TRIM67: variants seen among roughly 807,000 people sequenced by gnomAD.
TRIM67 encodes the protein tripartite motif containing 67.
In TRIM67, 39 loss-of-function variants were observed where a neutral mutation model predicts 71.0. The ratio of observed to expected loss-of-function variants is 0.55; its 90% CI spans 0.43 to 0.72. TRIM67 has a LOEUF of 0.72. Among genes scored for constraint, TRIM67 ranks in the 30% least tolerant of loss-of-function variants. The probability of loss-of-function intolerance (pLI) is 0.00; values close to 1 mark genes in which losing one functional copy is unlikely to be tolerated. For missense variants in TRIM67, 973 were observed against 1,079.2 expected, an observed-to-expected ratio of 0.90 and a Z score of 1.38; for synonymous variants, 481 against 473.9, an observed-to-expected ratio of 1.01 and a Z score of -0.19.
chr1:231,203,556 G>A lies in TRIM67; in HGVS notation c.1535-311G>A, dbSNP rs562248699. On this transcript the variant is annotated intron_variant, in intron 5 of 9. Coordinates refer to ENST00000366653, the MANE Select transcript of TRIM67 (RefSeq NM_001004342.5). ...CAAAACCAGTGGTTCTCAGTGGGCA[G>A]ATGGGAAAGAGGACATCCTTCCTTA... Among the ~76,000 whole-genome samples the A allele has an allele frequency of 8.5e-5, 13 of 152,352 alleles. No homozygotes were observed. The East Asian group carries it at 2.3e-3, about 27-fold the overall frequency.
intron 8 of TRIM67, among the ~76,000 whole-genome samples, chr1:231,212,911 A>G (rs924177053): frequency 6.6e-6 from 1 of 152,192 alleles, no homozygotes; most frequent in African/African-American, 2.4e-5. Flanking sequence ...CACAATGGAC[A>G]TTCTCAACGT....
chr1:231,219,197 T>C lies in TRIM67; in HGVS notation c.*3757T>C, dbSNP rs1684084483. 3.0e-6 allele frequency: 3 copies of C among 985,448 alleles called. No homozygotes were observed. In the South Asian group the frequency reaches 1.4e-4, roughly 46 times the overall value. 61.0% of individuals were successfully genotyped at this position (985,448 alleles called of 1,614,324 possible). ...GGCGCCAGGGTTTCTCAACCTCTAC[T>C]GACATTTTGCGATAGGTTCTGTATG... On this transcript the variant is annotated 3_prime_UTR_variant, in exon 10 of 10. Coordinates refer to ENST00000366653, the MANE Select transcript of TRIM67 (RefSeq NM_001004342.5).
chr1:231,200,816 G>T (rs757671602), intron 4 of TRIM67, among the ~76,000 whole-genome samples: 2 of 152,186 alleles, frequency 1.3e-5, no homozygotes, highest in Non-Finnish European at 2.9e-5. Flanking sequence ...ACAGGGACAC[G>T]TGCAAATGTC....
At chr1:231,204,959 A>G (rs543002844) in intron 6 of TRIM67, among the ~76,000 whole-genome samples, 4 of 152,342 alleles carry the variant, frequency 2.6e-5, no homozygotes, top group South Asian at 2.1e-4. Context: ...ATATGGGCCA[A>G]TTAGGGAGGT....
Position 231,217,754 on chromosome 1 carries a change from C to A in TRIM67, c.*2314C>A, listed in dbSNP as rs1017661809. 2.4e-6 allele frequency: 3 copies of A among 1,272,948 alleles called. No homozygotes were observed. The highest frequency in any genetic ancestry group is 3.1e-6 in the Non-Finnish European group (3 of 980,190). The allele number at this position is 1,272,948 out of a possible 1,614,324, so 78.9% of individuals were successfully genotyped here. A position where few individuals can be genotyped will look rare whatever the true frequency, so the allele number is the denominator to read the frequency against. ...GCCCCAGCTCTGCAGAAGAATCGCC[C>A]ATCATTGGAGCACAAGTTGCCTGGG... On this transcript the variant is annotated 3_prime_UTR_variant, in exon 10 of 10. Transcript: ENST00000366653.
In TRIM67 at chr1:231,163,325, T is replaced by G. The variant is rs1232214182; in HGVS notation, c.356T>G (p.Leu119Arg). The G allele has an allele frequency of 6.6e-7, 1 of 1,522,238 alleles. No homozygotes were observed. The highest frequency in any genetic ancestry group is 2.1e-5 in the Admixed American group (1 of 48,730). 94.3% of individuals were successfully genotyped at this position (1,522,238 alleles called of 1,614,324 possible). The change falls in exon 1 of 10, where the codon CTC (leucine) becomes CGC (arginine). Residue 119 changes from leucine (L) to arginine (R), a missense_variant. This residue lies in a region of TRIM67 where 795 missense variants were observed against 831.3 expected (regional missense o/e 0.96). Coordinates refer to ENST00000366653, the MANE Select transcript of TRIM67 (RefSeq NM_001004342.5). ...DSGYGSYTPSLKSPNGVRVLP... is the reference protein window; with the variant it reads ...DSGYGSYTPSRKSPNGVRVLP... ...GGCTACGGGTCCTACACCCCGAGCC[T>G]CAAGTCCCCCAACGGGGTTCGCGTG...
chr1:231,211,691 C>G (rs1414260820), intron 8 of TRIM67, among the ~76,000 whole-genome samples: 1 of 152,182 alleles, frequency 6.6e-6, no homozygotes, highest in African/African-American at 2.4e-5. Context: ...TCTGCCCTAC[C>G]AGCAGCGTCC....
At chr1:231,190,962 C>A (rs1233480993) in intron 1 of TRIM67, among the ~76,000 whole-genome samples, 1 of 152,220 alleles carries the variant, frequency 6.6e-6, no homozygotes, top group Non-Finnish European at 1.5e-5. Context: ...TTTCCAGTCT[C>A]CAGGCCTGTT....
intron 1 of TRIM67, chr1:231,185,121 G>A (rs529697913): frequency 1.3e-6 from 2 of 1,532,980 alleles, no homozygotes; most frequent in Non-Finnish European, 1.7e-6. Context: ...CTAAATCCGA[G>A]TTGCTGGCTC....
chr1:231,200,508 A>G (rs1230119259), intron 4 of TRIM67, among the ~76,000 whole-genome samples: 1 of 152,228 alleles, frequency 6.6e-6, no homozygotes, highest in Non-Finnish European at 1.5e-5. Context: ...CCTCACTGCA[A>G]CATTTTCCCC....
At position 231,200,161 on chromosome 1, in the gene TRIM67, A is replaced by G; in HGVS notation, c.1277A>G (p.Gln426Arg). Reference protein sequence around the residue: ...REHKLKMVWDQINHCTLKLRQ... With the variant: ...REHKLKMVWDRINHCTLKLRQ... ...TTTCCATTGCAGATGGTTTGGGACC[A>G]GATCAATCACTGCACATTGAAGCTG... is the stretch of plus-strand genomic sequence containing the variant. The change falls in exon 4 of 10, where the codon CAG (glutamine) becomes CGG (arginine). Residue 426 changes from glutamine to arginine, a missense_variant. Physicochemically the swap from Gln to Arg is conservative, Grantham distance 43 (BLOSUM62 1). Transcript: ENST00000366653. 6.2e-7 allele frequency: 1 copy of G among 1,613,704 alleles called. No individual in the cohort carries two copies. The highest frequency in any genetic ancestry group is 8.5e-7 in the Non-Finnish European group (1 of 1,179,618).
rs1682327161 is a variant in TRIM67, at chr1:231,162,896, GTCC to G, written c.-67_-65del. The G allele has an allele frequency of 1.9e-6, 3 of 1,545,616 alleles. No homozygotes were observed. The highest frequency in any genetic ancestry group is 1.2e-5 in the South Asian group (1 of 83,542). ...CGTCTCACCGGGGCGCACCGCGCTG[GTCC>G]TCCTCCGCCAGTCTCCCGAGCTCCG... On this transcript the variant is annotated 5_prime_UTR_variant, in exon 1 of 10. Transcript: ENST00000366653.
chr1:231,178,746 C>T (rs527322433), intron 1 of TRIM67, among the ~76,000 whole-genome samples: 1 of 152,200 alleles, frequency 6.6e-6, no homozygotes, highest in African/African-American at 2.4e-5. Context: ...TAAAAAGATC[C>T]GTGTTCCATT....
chr1:231,168,886 A>C (rs1372943139), intron 1 of TRIM67, among the ~76,000 whole-genome samples: 1 of 152,118 alleles, frequency 6.6e-6, no homozygotes, highest in Non-Finnish European at 1.5e-5. Context: ...GTTTCGTAAA[A>C]ACTTTCCAGG....
rs771310806 is a variant in TRIM67, at chr1:231,215,332, C to A, written c.2287-43C>A. 5.6e-6 allele frequency: 9 copies of A among 1,599,460 alleles called. No homozygotes were observed. The Admixed American group carries it at 1.4e-4, about 24-fold the overall frequency. Reference sequence around the variant, plus strand: ...GCTGTCAGAGCCCTCAGGGTCCCTGCGGCAGCCTCTCCCACCCTCACTTGC... The same window carrying A: ...GCTGTCAGAGCCCTCAGGGTCCCTGAGGCAGCCTCTCCCACCCTCACTTGC... On this transcript the variant is annotated intron_variant, in intron 9 of 9. Transcript: ENST00000366653.
intron 1 of TRIM67, among the ~76,000 whole-genome samples, chr1:231,166,143 C>T (rs2236063): frequency 6.6e-6 from 1 of 152,156 alleles, no homozygotes; most frequent in East Asian, 1.9e-4. Context: ...TTTGCCCCCT[C>T]GAGTGGGCAG....
Position 231,203,970 on chromosome 1 carries a change from C to A in TRIM67, c.1638C>A (p.Gly546=), listed in dbSNP as rs1388992714. ...CCTTCACCCACAGCCCCGTGGACGG[C>A]TACATCCTGGAGCTGGACGACGGTG... is the stretch of plus-strand genomic sequence containing the variant. The part of the protein sequence containing the change: ...MPPFTHSPVD[G]YILELDDGAG... The change falls in exon 6 of 10, where the codon GGC becomes GGA. Residue 546 remains glycine, a synonymous_variant. Transcript: ENST00000366653. 1.2e-6 allele frequency: 2 copies of A among 1,613,908 alleles called. No homozygotes were observed. The highest frequency in any genetic ancestry group is 8.5e-7 in the Non-Finnish European group (1 of 1,179,892).
At chr1:231,213,301 C>T (rs1283270003) in intron 8 of TRIM67, among the ~76,000 whole-genome samples, 1 of 152,100 alleles carries the variant, frequency 6.6e-6, no homozygotes, top group Non-Finnish European at 1.5e-5. Context: ...GGAGGTGTTC[C>T]TCTAGGGGAG....
intron 6 of TRIM67, among the ~76,000 whole-genome samples, chr1:231,204,727 A>T (rs1571898892): frequency 6.6e-6 from 1 of 152,184 alleles, no homozygotes; most frequent in Non-Finnish European, 1.5e-5. Context: ...GATTAAATAA[A>T]CACTCATTCC....
Sources: allele counts gnomAD v4.1 joint callset (sites outside exome capture counted in the v4.1 genomes callset), GRCh38; gene constraint gnomAD v4.1.1; regional missense constraint gnomAD v4.1.1; transcripts MANE v1.5; gene names NCBI Gene and HGNC (gene_info 2026-07-23, HGNC 2026-07-21).